The following PCDHA5 variants were observed in gnomAD, a reference collection of about 807,000 sequenced individuals.
PCDHA5 encodes protocadherin alpha 5.
A neutral mutation model predicts 61.6 loss-of-function variants in PCDHA5; 43 were observed. The observed-to-expected ratio is 0.70, with a 90% CI of 0.55 to 0.90. The LOEUF is 0.90. Among genes scored for constraint, PCDHA5 ranks in the 40% least tolerant of loss-of-function variants. The probability of loss-of-function intolerance (pLI) is 0.00; values close to 1 mark genes in which losing one functional copy is unlikely to be tolerated. For synonymous variants in PCDHA5, 627 were observed against 543.9 expected (o/e 1.15, Z -2.13); for missense variants, 1,298 against 1,222.7 (o/e 1.06, Z -0.92).
chr5:140,835,258 A>G (rs2150232835), intron 1 of PCDHA5: 2 of 1,607,720 alleles, frequency 1.2e-6, no homozygotes, highest in African/African-American at 1.4e-5. Flanking sequence ...ATAAAATCCA[A>G]GTTCCACATG....
chr5:140,966,727 C>T (rs1330950109), intron 1 of PCDHA5: 4 of 1,405,404 alleles, frequency 2.8e-6, no homozygotes, highest in East Asian at 2.8e-5. Context: ...AAGCTGCCGC[C>T]TCCGGCCCTG....
chr5:140,822,039 G>A lies in PCDHA5; in HGVS notation c.264G>A (p.Arg88=). 6.2e-7 allele frequency: 1 copy of A among 1,614,224 alleles called. No individual in the cohort carries two copies. Among genetic ancestry groups the A allele is most frequent in the South Asian group, 1.1e-5 (1 of 91,084 alleles). Residue 88 remains arginine, a synonymous_variant, in exon 1 of 4, where the codon CGG becomes CGA. Coordinates refer to ENST00000529859, the MANE Select transcript of PCDHA5 (RefSeq NM_018908.3). ...LQNGILFVNS[R]IDREELCRRR... ...ATGGCATTTTGTTTGTGAATTCTCGGATCGACCGGGAGGAGCTGTGCCGGC... is the reference window on the plus strand; with the variant it reads ...ATGGCATTTTGTTTGTGAATTCTCGAATCGACCGGGAGGAGCTGTGCCGGC...
At chr5:140,981,748 G>C (rs975887463) in intron 2 of PCDHA5, among the ~76,000 whole-genome samples, 28 of 151,686 alleles carry the variant, frequency 1.8e-4, no homozygotes, top group African/African-American at 6.8e-4. Context: ...ATATGAGTTA[G>C]TATTAGACAT....
At chr5:140,994,222 C>T (rs2097605581) in intron 3 of PCDHA5, among the ~76,000 whole-genome samples, 1 of 152,168 alleles carries the variant, frequency 6.6e-6, no homozygotes, top group Admixed American at 6.5e-5. Context: ...CAGGGTCTGT[C>T]TATGTTATAA....
rs1767505494 is a variant in PCDHA5, at chr5:140,822,996, G to T, written c.1221G>T (p.Val407=). The change falls in exon 1 of 4, where the codon GTG becomes GTT. Residue 407 remains valine, a synonymous_variant. Coordinates refer to ENST00000529859, the MANE Select transcript of PCDHA5 (RefSeq NM_018908.3). ...CCTTCAAGAATTACTACTCGTTGGT[G>T]CTGGACAGCGCCCTGGACCGCGAGA... ...VSTFKNYYSL[V]LDSALDRESV... is the part of the protein sequence containing the mutation. 5 of 1,614,122 alleles carry T rather than the reference G, an allele frequency of 3.1e-6. No individual in the cohort carries two copies. In the South Asian group the frequency reaches 4.4e-5, roughly 14 times the overall value.
At chr5:140,877,323 C>A in intron 1 of PCDHA5, 1 of 1,613,988 alleles carries the variant, frequency 6.2e-7, no homozygotes, top group Non-Finnish European at 8.5e-7. Context: ...CGGCGGTCGG[C>A]GCGCACATCC....
At position 141,011,322 on chromosome 5, in the gene PCDHA5, C is replaced by T. The variant is rs1210973958; in HGVS notation, c.*1385C>T. The T allele has an allele frequency of 2.0e-5, 3 of 153,698 alleles. No individual in the cohort carries two copies. The highest frequency in any genetic ancestry group is 7.2e-5 in the African/African-American group (3 of 41,430). The allele number at this position is 153,698 out of a possible 1,614,324, so 9.5% of individuals were successfully genotyped here. On this transcript the variant is annotated 3_prime_UTR_variant, in exon 4 of 4. Coordinates refer to ENST00000529859, the MANE Select transcript of PCDHA5 (RefSeq NM_018908.3). Reference sequence around the variant, plus strand: ...CTCTGAATTGCTAATCTTACTAACACCTATGATGTTACCTGAAATCAATCT... The same window carrying T: ...CTCTGAATTGCTAATCTTACTAACATCTATGATGTTACCTGAAATCAATCT...
At chr5:140,969,982 G>A (rs1327490843) in intron 1 of PCDHA5, among the ~76,000 whole-genome samples, 1 of 152,184 alleles carries the variant, frequency 6.6e-6, no homozygotes, top group Non-Finnish European at 1.5e-5. Context: ...CAACTCTTCT[G>A]TAGAGGGCTG....
At chr5:141,009,538 C>T (rs1159631714) in intron 3 of PCDHA5, 89 bp from the exon 4 acceptor site, 11 of 1,522,362 alleles carry the variant, frequency 7.2e-6, no homozygotes, top group African/African-American at 1.4e-5. Context: ...GTTCAGCCTG[C>T]CTATGCAGTA....
intron 3 of PCDHA5, among the ~76,000 whole-genome samples, chr5:140,992,293 G>A (rs1043574685): frequency 1.3e-5 from 2 of 152,136 alleles, no homozygotes; most frequent in African/African-American, 2.4e-5. Flanking sequence ...GCAAAGGATG[G>A]GAGTATTGTT....
chr5:140,869,936 C>T (rs1554163630), intron 1 of PCDHA5: 1 of 1,611,844 alleles, frequency 6.2e-7, no homozygotes, highest in South Asian at 1.1e-5. Flanking sequence ...GGAGAGGTAA[C>T]ATACTCCTTA....
chr5:140,843,857 A>C, intron 1 of PCDHA5: 1 of 940,372 alleles, frequency 1.1e-6, no homozygotes, highest in Non-Finnish European at 1.6e-6. Context: ...TTTTATAATT[A>C]ATTGAATTTT....
chr5:140,953,913 G>A (rs2094950683), intron 1 of PCDHA5, among the ~76,000 whole-genome samples: 1 of 152,104 alleles, frequency 6.6e-6, no homozygotes, highest in African/African-American at 2.4e-5. Flanking sequence ...CATCCATTAG[G>A]TATTCTTCCT....
intron 1 of PCDHA5, among the ~76,000 whole-genome samples, chr5:140,905,695 C>T (rs1350689939): frequency 6.6e-6 from 1 of 152,134 alleles, no homozygotes; most frequent in African/African-American, 2.4e-5. Context: ...TTGTTTGTGT[C>T]ATTTATGATT....
At chr5:140,844,401 C>T (rs1299971759) in intron 1 of PCDHA5, among the ~76,000 whole-genome samples, 1 of 149,242 alleles carries the variant, frequency 6.7e-6, no homozygotes, top group Non-Finnish European at 1.5e-5. Context: ...GACCATTTTA[C>T]CATTTGGAGA....
intron 1 of PCDHA5, chr5:140,865,199 T>C (rs776546973): frequency 1.2e-4 from 18 of 152,246 alleles, no homozygotes; most frequent in Admixed American, 9.2e-4. Context: ...ACCATATTAA[T>C]GTGAATTGCT....
intron 1 of PCDHA5, chr5:140,929,493 A>G: frequency 9.4e-7 from 1 of 1,059,368 alleles, no homozygotes; most frequent in Non-Finnish European, 1.3e-6. Flanking sequence ...GTATTAGAAG[A>G]TTGCCCTAGG....
intron 2 of PCDHA5, among the ~76,000 whole-genome samples, chr5:140,981,680 C>G (rs1238332235): frequency 6.6e-6 from 1 of 151,746 alleles, no homozygotes; most frequent in Non-Finnish European, 1.5e-5. Context: ...CTTCCTTCCT[C>G]CCTTCCATCA....
At chr5:140,888,593 A>C (rs1165427237) in intron 1 of PCDHA5, among the ~76,000 whole-genome samples, 1 of 152,256 alleles carries the variant, frequency 6.6e-6, no homozygotes, top group Admixed American at 6.5e-5. Context: ...GTACACATTC[A>C]GAGCAGCTTT....
Sources: allele counts gnomAD v4.1 joint callset (sites outside exome capture counted in the v4.1 genomes callset), GRCh38; gene constraint gnomAD v4.1.1; transcripts MANE v1.5; gene names NCBI Gene and HGNC (gene_info 2026-07-23, HGNC 2026-07-21).